ESM1: variants seen among roughly 807,000 people sequenced by gnomAD.
ESM1 encodes endothelial cell specific molecule 1, also known as endothelial cell-specific molecule 1.
In ESM1, 7 loss-of-function variants were observed where a neutral mutation model predicts 14.9. The observed-to-expected ratio is 0.47, with a 90% CI of 0.27 to 0.88. The LOEUF is 0.88. Among genes scored for constraint, ESM1 ranks in the 40% least tolerant of loss-of-function variants. ESM1 has a pLI of 0.14. For synonymous variants in ESM1, 89 were observed against 89.4 expected, an observed-to-expected ratio of 1.00 and a Z score of 0.02; for missense variants, 192 against 237.9, an observed-to-expected ratio of 0.81 and a Z score of 1.27.
chr5:54,979,547 T>A, intron 2 of ESM1, 112 bp from the exon 3 acceptor site: 3 of 721,002 alleles, frequency 4.2e-6, no homozygotes, highest in Non-Finnish European at 7.2e-6. Flanking sequence ...TTAATCAATT[T>A]AAGATTCCAT....
intron 1 of ESM1, among the ~76,000 whole-genome samples, chr5:54,983,775 C>G (rs1508889): frequency 3.0e-4 from 46 of 152,272 alleles, no homozygotes; most frequent in Non-Finnish European, 5.9e-4. Context: ...TTTCTTTGCC[C>G]ATATGTAATG....
chr5:54,982,569 A>G lies in ESM1; in HGVS notation c.302-423T>C, dbSNP rs564384664. Among the ~76,000 whole-genome samples the G allele has an allele frequency of 5.3e-5, 8 of 152,334 alleles. No homozygotes were observed. In the South Asian group the frequency reaches 1.7e-3, roughly 32 times the overall value. Reference sequence around the variant, plus strand: ...AAAATGTGATGCTATCTTTGAATCTACTGTATTCACAGATAATTTACTATT... The same window carrying G: ...AAAATGTGATGCTATCTTTGAATCTGCTGTATTCACAGATAATTTACTATT... On this transcript the variant is annotated intron_variant, in intron 1 of 2. Coordinates refer to ENST00000381405, the MANE Select transcript of ESM1 (RefSeq NM_007036.5).
At chr5:54,985,044 T>G (rs1254742467) in intron 1 of ESM1, among the ~76,000 whole-genome samples, 173 bp downstream of exon 1, 2 of 152,218 alleles carry the variant, frequency 1.3e-5, no homozygotes, top group Non-Finnish European at 2.9e-5. Flanking sequence ...TTTCAGTTGC[T>G]ACTTGGAGCT....
intron 1 of ESM1, among the ~76,000 whole-genome samples, chr5:54,984,086 TTTG>T: frequency 6.6e-6 from 1 of 152,252 alleles, no homozygotes. Context: ...ACTTTAAGAA[TTTG>T]TTTTTTTAAT....
intron 2 of ESM1, among the ~76,000 whole-genome samples, chr5:54,980,751 A>G (rs1490565439): frequency 6.6e-6 from 1 of 152,234 alleles, no homozygotes; most frequent in Admixed American, 6.5e-5. Context: ...AAAACTAATA[A>G]TTCACTTAAA....
intron 1 of ESM1, among the ~76,000 whole-genome samples, chr5:54,984,229 T>C (rs1740480864): frequency 6.6e-6 from 1 of 152,038 alleles, no homozygotes; most frequent in Admixed American, 6.6e-5. Context: ...ACATAAAACA[T>C]AATAATTATT....
At chr5:54,985,147 C>T (rs1179230485) in intron 1 of ESM1, 70 bp downstream of exon 1, 6 of 1,446,548 alleles carry the variant, frequency 4.1e-6, no homozygotes, top group Non-Finnish European at 5.6e-6. Context: ...GCAAAGCCAC[C>T]TCACCTCCCA....
intron 1 of ESM1, 34 bp downstream of exon 1, chr5:54,985,183 C>T (rs773139897): frequency 1.9e-6 from 3 of 1,554,248 alleles, no homozygotes; most frequent in Middle Eastern, 1.7e-4. Context: ...CTCAGCATGC[C>T]CCGGGAGGGG....
intron 2 of ESM1, 79 bp from the exon 3 acceptor site, chr5:54,979,514 A>T: frequency 1.0e-6 from 1 of 959,854 alleles, no homozygotes. Flanking sequence ...TTTTTGTTTT[A>T]CATGGAATTT....
rs1030370209 is a variant in ESM1 at position 54,985,346 on chromosome 5, C to A, written c.172G>T (p.Ala58Ser). ...TAGCAAGTTTCTCCCCGCCCTGCAG[C>A]GCACACTCGGCAGCAGCCACAGTCG... ...LDDCGCCRVC[A>S]AGRGETCYRT... The change falls in exon 1 of 3, where the codon GCT becomes TCT. Residue 58 changes from alanine (A) to serine (S), a missense_variant. Ala to Ser is a moderately conservative substitution (Grantham distance 99). Transcript: ENST00000381405. 4 of 1,614,174 alleles carry A rather than the reference C, an allele frequency of 2.5e-6. No individual in the cohort carries two copies. Among genetic ancestry groups the A allele is most frequent in the Admixed American group, 1.7e-5 (1 of 60,038 alleles).
Position 54,979,306 on chromosome 5 carries a change from C to T in ESM1, c.*26G>A. 3 of 1,519,142 alleles carry T rather than the reference C, an allele frequency of 2.0e-6. No homozygotes were observed. The highest frequency in any genetic ancestry group is 1.4e-5 in the African/African-American group (1 of 73,092). The allele number at this position is 1,519,142 out of a possible 1,614,324, so 94.1% of individuals were successfully genotyped here. A position where few individuals can be genotyped will look rare whatever the true frequency, so the allele number is the denominator to read the frequency against. On this transcript the variant is annotated 3_prime_UTR_variant, in exon 3 of 3. Transcript: ENST00000381405. Reference sequence around the variant, plus strand: ...GTGTTGAACAATCACGAAAATAGAGCCTTCTCTCAGAAATCACAGCCGGGA... The same window carrying T: ...GTGTTGAACAATCACGAAAATAGAGTCTTCTCTCAGAAATCACAGCCGGGA...
chr5:54,984,023 T>C (rs1740466804), intron 1 of ESM1, among the ~76,000 whole-genome samples: 1 of 152,166 alleles, frequency 6.6e-6, no homozygotes, highest in South Asian at 2.1e-4. Flanking sequence ...ATATTCTATT[T>C]CTTATTGTAT....
In ESM1 at chr5:54,979,256, A is replaced by T; in HGVS notation, c.*76T>A. On this transcript the variant is annotated 3_prime_UTR_variant, in exon 3 of 3. Transcript: ENST00000381405. ...ATTACATGTCCTTATGCTATAATCT[A>T]GAAAGTTCCTAAAATGTTGGCTGTG... is the stretch of plus-strand genomic sequence containing the variant. 9.3e-7 allele frequency: 1 copy of T among 1,069,566 alleles called. No homozygotes were observed. The highest frequency in any genetic ancestry group is 1.4e-6 in the Non-Finnish European group (1 of 694,092). 66.3% of individuals were successfully genotyped at this position (1,069,566 alleles called of 1,614,324 possible).
intron 2 of ESM1, among the ~76,000 whole-genome samples, chr5:54,981,462 A>G (rs1744050091): frequency 6.6e-6 from 1 of 152,178 alleles, no homozygotes; most frequent in Non-Finnish European, 1.5e-5. Context: ...TTTCAATCAC[A>G]TACTATTTCT....
At position 54,979,281 on chromosome 5, in the gene ESM1, G is replaced by A. The variant is rs770869162; in HGVS notation, c.*51C>T. The A allele has an allele frequency of 1.5e-6, 2 of 1,314,336 alleles. No homozygotes were observed. The highest frequency in any genetic ancestry group is 1.2e-5 in the South Asian group (1 of 84,282). The allele number at this position is 1,314,336 out of a possible 1,614,324, so 81.4% of individuals were successfully genotyped here. A position where few individuals can be genotyped will look rare whatever the true frequency, so the allele number is the denominator to read the frequency against. On this transcript the variant is annotated 3_prime_UTR_variant, in exon 3 of 3. Coordinates refer to ENST00000381405, the MANE Select transcript of ESM1 (RefSeq NM_007036.5). ...AGAAAGTTCCTAAAATGTTGGCTGTGTGTTGAACAATCACGAAAATAGAGC... is the reference window on the plus strand; with the variant it reads ...AGAAAGTTCCTAAAATGTTGGCTGTATGTTGAACAATCACGAAAATAGAGC...
chr5:54,979,539 A>C (rs1744010898), intron 2 of ESM1, 104 bp from the exon 3 acceptor site: 1 of 769,956 alleles, frequency 1.3e-6, no homozygotes, highest in Non-Finnish European at 2.2e-6. Flanking sequence ...TGAAATCTTT[A>C]ATCAATTTAA....
Position 54,981,048 on chromosome 5 carries a change from A to T in ESM1, c.451+949T>A, listed in dbSNP as rs149686226. 1.0e-3 allele frequency among the ~76,000 whole-genome samples: 154 copies of T among 152,312 alleles called. 1 individual carries two copies. The highest frequency in any genetic ancestry group is 3.6e-3 in the African/African-American group (148 of 41,558). ...TACAGTTTTTAATTGACAAATAATA[A>T]TTGTATACATTTAGGGTACAATATG... is the stretch of plus-strand genomic sequence containing the variant. On this transcript the variant is annotated intron_variant, in intron 2 of 2. Coordinates refer to ENST00000381405, the MANE Select transcript of ESM1 (RefSeq NM_007036.5).
At chr5:54,983,675 C>A (rs1297957502) in intron 1 of ESM1, among the ~76,000 whole-genome samples, 25 of 152,226 alleles carry the variant, frequency 1.6e-4, no homozygotes, top group Admixed American at 1.6e-3. Context: ...CTGAAGAAAG[C>A]CAAAAGAAGC....
intron 1 of ESM1, among the ~76,000 whole-genome samples, chr5:54,984,496 C>A (rs1005955551): frequency 2.0e-5 from 3 of 152,152 alleles, no homozygotes; most frequent in African/African-American, 7.2e-5. Context: ...AAAATTTCAA[C>A]CGACGAAGTT....
Sources: allele counts gnomAD v4.1 joint callset (sites outside exome capture counted in the v4.1 genomes callset), GRCh38; gene constraint gnomAD v4.1.1; transcripts MANE v1.5; gene names NCBI Gene and HGNC (gene_info 2026-07-23, HGNC 2026-07-21).